The following ROBO1 variants were observed in gnomAD, a reference collection of about 807,000 sequenced individuals.
ROBO1 encodes roundabout homolog 1.
A neutral mutation model predicts 195.9 loss-of-function variants in ROBO1; 149 were observed. The observed-to-expected ratio is 0.76, with a 90% confidence interval of 0.67 to 0.87. The LOEUF (loss-of-function observed/expected upper bound fraction) is 0.87, where lower values mean the gene tolerates loss of function less well. ROBO1 is among the 40% of genes least tolerant of loss of function. The pLI is 0.00. For synonymous variants in ROBO1, 816 were observed against 733.2 expected (o/e 1.11, Z -1.82); for missense variants, 1,933 against 2,068.3 (o/e 0.93, Z 1.27).
intron 2 of ROBO1, among the ~76,000 whole-genome samples, chr3:79,366,758 G>A (rs374925118): frequency 6.6e-6 from 1 of 152,028 alleles, no homozygotes; most frequent in Non-Finnish European, 1.5e-5. Flanking sequence ...CAATCCTCTC[G>A]ACGTTCACTT....
At chr3:78,897,879 T>C (rs961666658) in intron 4 of ROBO1, among the ~76,000 whole-genome samples, 47 of 152,008 alleles carry the variant, frequency 3.1e-4, no homozygotes, top group Admixed American at 2.0e-4. Flanking sequence ...GATTTTGCAT[T>C]TGGATTTACG....
chr3:79,612,904 T>C (rs2107930425), intron 1 of ROBO1, among the ~76,000 whole-genome samples: 1 of 152,156 alleles, frequency 6.6e-6, no homozygotes, highest in East Asian at 1.9e-4. Context: ...CACATTGTTT[T>C]GCAATGATTG....
chr3:79,699,784 G>A (rs1947559898), intron 1 of ROBO1, among the ~76,000 whole-genome samples: 3 of 151,578 alleles, frequency 2.0e-5, no homozygotes, highest in Non-Finnish European at 4.4e-5. Context: ...CAGCTTCTGG[G>A]AACATTTCTT....
chr3:78,718,811 G>GGAGGGAGA (rs1303977498), intron 5 of ROBO1, among the ~76,000 whole-genome samples: 28 of 127,496 alleles, frequency 2.2e-4, no homozygotes, highest in East Asian at 4.6e-4. Context: ...AGGAAGGGAG[G>GGAGGGAGA]GAGGGAGAGA....
At position 78,668,030 on chromosome 3, in the gene ROBO1, A is replaced by C; in HGVS notation, c.1819T>G (p.Trp607Gly). The change falls in exon 14 of 31, where the codon TGG becomes GGG. Residue 607 changes from tryptophan (W) to glycine (G), a missense_variant. This residue lies in a region of ROBO1 where 1,737 missense variants were observed against 1,882.5 expected (regional missense o/e 0.92). Coordinates refer to ENST00000464233, the MANE Select transcript of ROBO1 (RefSeq NM_002941.4). ...EAFSHASGSS[W>G]QTVAENVKTE... ...TTCACATTCTCTGCTACGGTCTGCC[A>C]GCTGCTACCAGATGCATGGCTAAGG... The C allele has an allele frequency of 6.2e-7, 1 of 1,613,666 alleles. No homozygotes were observed. Among genetic ancestry groups the C allele is most frequent in the Non-Finnish European group, 8.5e-7 (1 of 1,179,734 alleles).
chr3:79,730,030 A>G (rs966576957), intron 1 of ROBO1, among the ~76,000 whole-genome samples: 6 of 152,176 alleles, frequency 3.9e-5, no homozygotes, highest in African/African-American at 9.7e-5. Flanking sequence ...TTGCAAATTA[A>G]CAAGCATTCA....
intron 4 of ROBO1, among the ~76,000 whole-genome samples, chr3:78,933,617 T>G (rs2107658803): frequency 6.6e-6 from 1 of 152,122 alleles, no homozygotes; most frequent in South Asian, 2.1e-4. Flanking sequence ...GATGATAAAA[T>G]AACTACTAAT....
chr3:78,870,147 T>G (rs539020649), intron 4 of ROBO1, among the ~76,000 whole-genome samples: 1 of 152,284 alleles, frequency 6.6e-6, no homozygotes, highest in Admixed American at 6.5e-5. Context: ...TCATTTGTAT[T>G]CACTGTTATT....
chr3:78,877,193 C>T (rs1283705059), intron 4 of ROBO1, among the ~76,000 whole-genome samples: 3 of 152,004 alleles, frequency 2.0e-5, no homozygotes, highest in East Asian at 3.9e-4. Flanking sequence ...TAATTTGGGA[C>T]ATACATATAA....
intron 5 of ROBO1, among the ~76,000 whole-genome samples, chr3:78,745,218 G>A (rs149665802): frequency 0.035 from 5,172 of 148,236 alleles, 110 homozygotes; most frequent in Non-Finnish European, 0.047. Flanking sequence ...TGAGGCAGGA[G>A]AATCGCTTGA....
intron 2 of ROBO1, among the ~76,000 whole-genome samples, chr3:79,157,584 G>C (rs2080881335): frequency 6.6e-6 from 1 of 151,864 alleles, no homozygotes; most frequent in Non-Finnish European, 1.5e-5. Context: ...GTTTAGGATG[G>C]AACTAAGAGT....
chr3:78,775,938 C>A (rs1224149673), intron 4 of ROBO1, among the ~76,000 whole-genome samples: 1 of 152,178 alleles, frequency 6.6e-6, no homozygotes, highest in Non-Finnish European at 1.5e-5. Context: ...AGGAAGGAGG[C>A]AAGTGCAGAG....
At chr3:78,770,428 T>C (rs2083343799) in intron 4 of ROBO1, among the ~76,000 whole-genome samples, 1 of 152,240 alleles carries the variant, frequency 6.6e-6, no homozygotes, top group South Asian at 2.1e-4. Flanking sequence ...TGTTTTCTCT[T>C]GAGCAGCATC....
chr3:79,665,360 T>G (rs1946446084), intron 1 of ROBO1, among the ~76,000 whole-genome samples: 1 of 151,908 alleles, frequency 6.6e-6, no homozygotes, highest in African/African-American at 2.4e-5. Flanking sequence ...TTTTCATTTG[T>G]ATAAGTCTCC....
intron 4 of ROBO1, among the ~76,000 whole-genome samples, chr3:78,814,418 A>C (rs1464688214): frequency 6.6e-6 from 1 of 152,084 alleles, no homozygotes; most frequent in African/African-American, 2.4e-5. Context: ...AATCTAGTGC[A>C]TTTTATAGCA....
chr3:79,452,042 T>G lies in ROBO1; in HGVS notation c.88+137782A>C, dbSNP rs192219593. On this transcript the variant is annotated intron_variant, in intron 2 of 30. Coordinates refer to ENST00000464233, the MANE Select transcript of ROBO1 (RefSeq NM_002941.4). Reference sequence around the variant, plus strand: ...TTTTTTATTTTAAGACTCTTAAACTTCTTTACAATTTTTCTGCTTTATCTC... The same window carrying G: ...TTTTTTATTTTAAGACTCTTAAACTGCTTTACAATTTTTCTGCTTTATCTC... Among the ~76,000 whole-genome samples the G allele has an allele frequency of 3.0e-3, 458 of 152,174 alleles. 2 individuals are homozygous for G. The highest frequency in any genetic ancestry group is 9.6e-3 in the African/African-American group (400 of 41,548).
chr3:78,733,282 G>GA (rs2082322071), intron 5 of ROBO1, among the ~76,000 whole-genome samples: 1 of 152,046 alleles, frequency 6.6e-6, no homozygotes, highest in Non-Finnish European at 1.5e-5. Context: ...AAAAATAATT[G>GA]AAAACTAAAA....
intron 3 of ROBO1, among the ~76,000 whole-genome samples, chr3:79,087,186 A>G (rs189205375): frequency 6.6e-6 from 1 of 152,248 alleles, no homozygotes; most frequent in African/African-American, 2.4e-5. Context: ...GAACTTAGAT[A>G]CACAACTCTA....
intron 2 of ROBO1, among the ~76,000 whole-genome samples, chr3:79,172,000 ATAAATT>A (rs1283980410): frequency 6.6e-6 from 1 of 152,150 alleles, no homozygotes; most frequent in Non-Finnish European, 1.5e-5. Context: ...ACTACAATAT[ATAAATT>A]TAAAGTATGT....
Sources: allele counts gnomAD v4.1 joint callset (sites outside exome capture counted in the v4.1 genomes callset), GRCh38; gene constraint gnomAD v4.1.1; regional missense constraint gnomAD v4.1.1; transcripts MANE v1.5; gene names NCBI Gene and HGNC (gene_info 2026-07-23, HGNC 2026-07-21).